The following GALC variants were observed in gnomAD, a reference collection of about 807,000 sequenced individuals.
GALC encodes the protein galactosylceramidase, also known as galactocerebrosidase.
GALC carries 77 observed loss-of-function variants against 91.8 expected under a neutral mutation model. The ratio of observed to expected loss-of-function variants is 0.84; its 90% CI spans 0.70 to 1.01. GALC has a LOEUF of 1.01. Ranked by LOEUF, GALC falls within the 50% of genes least tolerant of loss-of-function variation. GALC has a pLI of 0.00. For synonymous variants in GALC, 357 were observed against 306.7 expected, an observed-to-expected ratio of 1.16 and a Z score of -1.71; for missense variants, 882 against 855.9, an observed-to-expected ratio of 1.03 and a Z score of -0.38.
chr14:87,961,754 C>A (rs1885816135), intron 10 of GALC, among the ~76,000 whole-genome samples: 1 of 152,074 alleles, frequency 6.6e-6, no homozygotes, highest in South Asian at 2.1e-4. Context: ...TAAGAGCCTG[C>A]AGATGAGATC....
chr14:87,954,650 T>C, intron 10 of GALC: 8 of 1,576,634 alleles, frequency 5.1e-6, no homozygotes, highest in Non-Finnish European at 6.1e-6. Flanking sequence ...AGAGGATAAA[T>C]GTTCAGGAGT....
intron 10 of GALC, among the ~76,000 whole-genome samples, chr14:87,955,811 T>G (rs536154662): frequency 2.6e-5 from 4 of 152,008 alleles, no homozygotes; most frequent in African/African-American, 7.2e-5. Context: ...TTAGCAAACA[T>G]GTAGCAATCT....
rs146402510 is a variant in GALC, at chr14:87,962,425, C to T, written c.1161+959G>A. Among the ~76,000 whole-genome samples the T allele has an allele frequency of 4.4e-3, 671 of 152,202 alleles. 3 individuals carry two copies. Among genetic ancestry groups the T allele is most frequent in the Non-Finnish European group, 7.5e-3 (509 of 68,004 alleles). On this transcript the variant is annotated intron_variant, in intron 10 of 16. Coordinates refer to ENST00000261304, the MANE Select transcript of GALC (RefSeq NM_000153.4). ...TTTGTGTTGTGAGTCACTTAATAGA[C>T]ACCTTTGGTTTGAAAAGGTCAATAC...
rs2289511 is a variant in GALC, at chr14:87,988,566, G to A, written c.196-43C>T. The A allele has an allele frequency of 0.6, 810,029 of 1,354,320 alleles. 243,647 individuals are homozygous for A. The highest frequency in any genetic ancestry group is 0.8 in the East Asian group (35,124 of 43,652). The allele number at this position is 1,354,320 out of a possible 1,614,324, so 83.9% of individuals were successfully genotyped here. A position where few individuals can be genotyped will look rare whatever the true frequency, so the allele number is the denominator to read the frequency against. ...CAAAAGTATGAATAAAAGAAATCCA[G>A]TCATGAATATCTGTCTACAGTGTTC... On this transcript the variant is annotated intron_variant, in intron 1 of 16. Coordinates refer to ENST00000261304, the MANE Select transcript of GALC (RefSeq NM_000153.4).
upstream of GALC, chr14:87,993,434 G>A (rs543841872): frequency 6.5e-7 from 1 of 1,535,868 alleles, no homozygotes; most frequent in East Asian, 2.4e-5. Flanking sequence ...CGCAGGGAAG[G>A]TGGATTCCAA....
rs17687144 is a variant in GALC, at chr14:87,963,825, T to C, written c.1034-314A>G. Among the ~76,000 whole-genome samples the C allele has an allele frequency of 0.11, 17,173 of 152,056 alleles. 1,138 individuals carry two copies. The highest frequency in any genetic ancestry group is 0.16 in the Non-Finnish European group (10,606 of 67,950). The stretch of plus-strand genomic sequence containing the variant: ...CCAAACTTGGTTCATCACTATTTAA[T>C]CCATCCTAAAATAGCTACCAAAAAA... On this transcript the variant is annotated intron_variant, in intron 9 of 16. Coordinates refer to ENST00000261304, the MANE Select transcript of GALC (RefSeq NM_000153.4).
chr14:87,948,860 A>C (rs1000671098), intron 12 of GALC, among the ~76,000 whole-genome samples: 2 of 152,070 alleles, frequency 1.3e-5, no homozygotes, highest in African/African-American at 4.8e-5. Flanking sequence ...GGTTATCAGA[A>C]CATTAATAAT....
chr14:87,976,550 A>G, intron 6 of GALC, 62 bp from the exon 7 acceptor site: 2 of 1,292,752 alleles, frequency 1.5e-6, no homozygotes, highest in East Asian at 2.3e-5. Flanking sequence ...TGTTGAATTT[A>G]TGACCAAGAT....
intron 7 of GALC, among the ~76,000 whole-genome samples, chr14:87,973,500 T>G (rs1886377197): frequency 1.3e-5 from 2 of 152,206 alleles, no homozygotes; most frequent in Admixed American, 1.3e-4. Context: ...AGTAAACAGT[T>G]AAAACTTGTA....
intron 6 of GALC, chr14:87,980,468 A>C (rs1886692828): frequency 1.0e-6 from 1 of 976,916 alleles, no homozygotes; most frequent in Admixed American, 6.2e-5. Context: ...TGTCTAATCC[A>C]TCTTTCATGA....
chr14:87,951,564 T>C (rs1433744012), intron 10 of GALC, among the ~76,000 whole-genome samples: 1 of 151,880 alleles, frequency 6.6e-6, no homozygotes, highest in Non-Finnish European at 1.5e-5. Context: ...CATGGAACAC[T>C]GACCAAACTA....
intron 10 of GALC, chr14:87,954,831 G>T (rs921903657): frequency 2.6e-5 from 42 of 1,606,344 alleles, no homozygotes; most frequent in Non-Finnish European, 3.3e-5. Context: ...ATAAGAACAG[G>T]ATCTACAAAC....
In GALC at chr14:87,941,389, AGT is replaced by A; in HGVS notation, c.1834+4_1834+5del. 1 of 1,555,664 alleles carries A rather than the reference AGT, an allele frequency of 6.4e-7. No individual in the cohort carries two copies. The highest frequency in any genetic ancestry group is 1.2e-5 in the South Asian group (1 of 85,482). On this transcript the variant is annotated splice_donor_5th_base_variant and intron_variant, in intron 15 of 16. Coordinates refer to ENST00000261304, the MANE Select transcript of GALC (RefSeq NM_000153.4). ...TATGCTATTAAAAAAAAAAAAAGTC[AGT>A]TACCTAAATCACCTGTAACCCTGTA...
chr14:87,984,938 C>G (rs1395574014), intron 4 of GALC, among the ~76,000 whole-genome samples: 1 of 82,178 alleles, frequency 1.2e-5, no homozygotes, highest in African/African-American at 5.0e-5. Context: ...TTATGCCAAA[C>G]TACTCTTGAG....
At chr14:87,940,663 TA>T (rs1884795451) in intron 15 of GALC, among the ~76,000 whole-genome samples, 1 of 151,958 alleles carries the variant, frequency 6.6e-6, no homozygotes, top group Admixed American at 6.6e-5. Flanking sequence ...ATATCCTTAC[TA>T]CCTACTTCCT....
intron 10 of GALC, chr14:87,953,157 G>A: frequency 6.8e-7 from 1 of 1,468,442 alleles, no homozygotes; most frequent in South Asian, 1.1e-5. Context: ...GCCAAGGTCT[G>A]AAGTCTGAAG....
chr14:87,977,330 A>C (rs2140018541), intron 6 of GALC, among the ~76,000 whole-genome samples: 1 of 152,318 alleles, frequency 6.6e-6, no homozygotes, highest in East Asian at 1.9e-4. Context: ...CAAAGCACAA[A>C]CAGTACCTAC....
At chr14:87,942,126 C>G (rs1228904346) in intron 14 of GALC, among the ~76,000 whole-genome samples, 1 of 151,990 alleles carries the variant, frequency 6.6e-6, no homozygotes, top group Non-Finnish European at 1.5e-5. Context: ...GCTTCTCACA[C>G]CTGAACAGCA....
chr14:87,965,679 G>T, intron 8 of GALC, 50 bp from the exon 9 acceptor site: 1 of 1,599,162 alleles, frequency 6.3e-7, no homozygotes, highest in South Asian at 1.1e-5. Flanking sequence ...TGATAAAAAT[G>T]TAAATGTCTA....
Sources: gnomAD v4.1 joint callset for allele counts (sites outside exome capture counted in the v4.1 genomes callset) on GRCh38, gnomAD v4.1.1 for gene constraint, MANE v1.5 for transcripts, NCBI Gene and HGNC (gene_info 2026-07-23, HGNC 2026-07-21) for gene names.